Variants in ENPP2 observed in about 807,000 individuals in gnomAD.
ENPP2 encodes ectonucleotide pyrophosphatase/phosphodiesterase 2.
Under a neutral mutation model 120.2 loss-of-function variants are expected in ENPP2, and 51 were observed. The observed-to-expected ratio is 0.42, with a 90% CI of 0.34 to 0.54. The LOEUF (loss-of-function observed/expected upper bound fraction) is 0.54. ENPP2 is among the 20% of genes least tolerant of loss of function. The pLI, the probability that ENPP2 is intolerant of heterozygous loss-of-function variation, is 0.04. For synonymous variants in ENPP2, 365 were observed against 366.4 expected (o/e 1.00, Z 0.04); for missense variants, 920 against 1,066.5 (o/e 0.86, Z 1.91).
chr8:119,673,216 C>A (rs1818305264), intron 1 of ENPP2: 1 of 1,510,324 alleles, frequency 6.6e-7, no homozygotes, highest in African/African-American at 1.4e-5. Context: ...GGAGCCCAAG[C>A]AATGGAGGAC....
At chr8:119,574,623 G>T (rs1185753335) in intron 19 of ENPP2, among the ~76,000 whole-genome samples, 1 of 152,050 alleles carries the variant, frequency 6.6e-6, no homozygotes, top group Non-Finnish European at 1.5e-5. Flanking sequence ...GGGTCGTAGA[G>T]ACTGGAGTTT....
chr8:119,557,534 T>C lies in ENPP2; in HGVS notation c.2579A>G (p.Glu860Gly). The C allele has an allele frequency of 6.2e-7, 1 of 1,612,674 alleles. No homozygotes were observed. Among genetic ancestry groups the C allele is most frequent in the Non-Finnish European group, 8.5e-7 (1 of 1,179,738 alleles). The change falls in exon 25 of 25, where the codon GAG (glutamate) becomes GGG (glycine). Residue 860 changes from glutamate (E) to glycine (G), a missense_variant. By Grantham distance (98) the Glu-to-Gly change is moderately conservative. Coordinates refer to ENST00000075322, the MANE Select transcript of ENPP2 (RefSeq NM_001040092.3). ...LTLKTYLHTY[E>G]SEI ...ATGCTCAGAAAGTTAAATCTCGCTC[T>C]CATATGTATGCAGGTATGTCTTGAG...
At chr8:119,583,921 C>A (rs1450913162) in intron 16 of ENPP2, 41 bp downstream of exon 16, 1 of 1,511,816 alleles carries the variant, frequency 6.6e-7, no homozygotes, top group Non-Finnish European at 9.2e-7. Flanking sequence ...TTTCGAAGAA[C>A]CACTAAAACA....
Position 119,564,815 on chromosome 8 carries a change from A to T in ENPP2, c.2264+8T>A. ...AAATCACACACTGAGTAGAAATGAA[A>T]CGCTTACTGTTTTATTTTGTCTTCT... On this transcript the variant is annotated splice_region_variant and intron_variant, in intron 23 of 24. Transcript: ENST00000075322. 1 of 1,610,682 alleles carries T rather than the reference A, an allele frequency of 6.2e-7. No individual in the cohort carries two copies. The highest frequency in any genetic ancestry group is 8.5e-7 in the Non-Finnish European group (1 of 1,178,664).
At chr8:119,623,106 G>A (rs1193170950) in intron 3 of ENPP2, among the ~76,000 whole-genome samples, 2 of 152,080 alleles carry the variant, frequency 1.3e-5, no homozygotes, top group Non-Finnish European at 2.9e-5. Context: ...GATTTTTAAA[G>A]CAATCCTGCC....
Position 119,570,795 on chromosome 8 carries a change from T to A in ENPP2, c.1827A>T (p.Arg609Ser). The change falls in exon 20 of 25, where the codon AGA (arginine) becomes AGT (serine). Residue 609 changes from arginine to serine, a missense_variant. Physicochemically the swap from Arg to Ser is moderately radical, Grantham distance 110 (BLOSUM62 -1). Transcript: ENST00000075322. ...YGRPAVLYRT[R>S]YDILYHTDFE... Reference sequence around the variant, plus strand: ...AGTCAGTGTGATATAAGATATCATATCTAGTCCGATAAAGCACTGCAGGTC... The same window carrying A: ...AGTCAGTGTGATATAAGATATCATAACTAGTCCGATAAAGCACTGCAGGTC... The A allele has an allele frequency of 6.3e-7, 1 of 1,585,196 alleles. No homozygotes were observed.
At chr8:119,566,436 ACT>A (rs1186017201) in intron 22 of ENPP2, among the ~76,000 whole-genome samples, 1 of 152,106 alleles carries the variant, frequency 6.6e-6, no homozygotes, top group East Asian at 1.9e-4. Flanking sequence ...GCCTTCTGAA[ACT>A]CTGAATGGCA....
intron 14 of ENPP2, among the ~76,000 whole-genome samples, chr8:119,586,787 A>G (rs1248900054): frequency 6.6e-6 from 1 of 152,228 alleles, no homozygotes; most frequent in Middle Eastern, 3.2e-3. Context: ...TTTAACCATG[A>G]ATGAATACTT....
At chr8:119,580,815 T>A (rs1051823559) in intron 18 of ENPP2, 1 of 152,322 alleles carries the variant, frequency 6.6e-6, no homozygotes, top group African/African-American at 2.4e-5. Context: ...AGCTAAAACT[T>A]CATGTACTAA....
At chr8:119,597,726 T>C (rs1401336368) in intron 11 of ENPP2, among the ~76,000 whole-genome samples, 1 of 152,078 alleles carries the variant, frequency 6.6e-6, no homozygotes, top group Admixed American at 6.6e-5. Context: ...GCGCCAATAA[T>C]CAAAAGCAAG....
intron 1 of ENPP2, among the ~76,000 whole-genome samples, chr8:119,666,570 C>G (rs944474957): frequency 2.0e-5 from 3 of 152,260 alleles, no homozygotes; most frequent in African/African-American, 7.2e-5. Flanking sequence ...CACCCAAGGT[C>G]AGGAGTTCGA....
In ENPP2 at chr8:119,587,004, G is replaced by A. The variant is rs369480111; in HGVS notation, c.1239+40C>T. On this transcript the variant is annotated intron_variant, in intron 14 of 24. Coordinates refer to ENST00000075322, the MANE Select transcript of ENPP2 (RefSeq NM_001040092.3). Reference sequence around the variant, plus strand: ...GAGGGAGGCTGCTCCAGGGGCAGAGGCCTGGGCAGGGCAGAGGCGGGACAA... The same window carrying A: ...GAGGGAGGCTGCTCCAGGGGCAGAGACCTGGGCAGGGCAGAGGCGGGACAA... 21 of 1,595,644 alleles carry A rather than the reference G, an allele frequency of 1.3e-5. No homozygotes were observed. In the Admixed American group the frequency reaches 3.1e-4, roughly 23 times the overall value.
At chr8:119,588,790 C>CAGAGCATGTACATGTA (rs1264345839) in intron 13 of ENPP2, among the ~76,000 whole-genome samples, 4 of 152,034 alleles carry the variant, frequency 2.6e-5, no homozygotes, top group African/African-American at 2.4e-5. Flanking sequence ...CAGATAAGTC[C>CAGAGCATGTACATGTA]CAGAGAATTA....
chr8:119,643,701 G>A (rs1390166236), upstream of ENPP2, among the ~76,000 whole-genome samples: 1 of 152,158 alleles, frequency 6.6e-6, no homozygotes, highest in African/African-American at 2.4e-5. Flanking sequence ...CATAGCTCCT[G>A]CTCTCCACAT....
intron 18 of ENPP2, among the ~76,000 whole-genome samples, chr8:119,581,576 C>T (rs552695096): frequency 9.2e-5 from 14 of 152,182 alleles, no homozygotes; most frequent in East Asian, 5.8e-4. Context: ...CCTTCCTATT[C>T]GGTTGTCTCT....
At chr8:119,577,729 C>A (rs532264549) in intron 19 of ENPP2, among the ~76,000 whole-genome samples, 51 of 152,250 alleles carry the variant, frequency 3.3e-4, no homozygotes, top group Non-Finnish European at 7.1e-4. Flanking sequence ...CACTTTGAAG[C>A]CATGAATTAG....
intron 24 of ENPP2, among the ~76,000 whole-genome samples, chr8:119,560,444 C>T (rs771464490): frequency 1.3e-5 from 2 of 152,136 alleles, no homozygotes; most frequent in Non-Finnish European, 2.9e-5. Context: ...TTCTCTACCA[C>T]CCATTCCCAT....
chr8:119,602,951 C>A (rs1436098831), intron 9 of ENPP2, among the ~76,000 whole-genome samples: 1 of 152,160 alleles, frequency 6.6e-6, no homozygotes, highest in African/African-American at 2.4e-5. Flanking sequence ...TCCCCCATCA[C>A]CATCCAGCTC....
intron 14 of ENPP2, 34 bp downstream of exon 14, chr8:119,587,010 G>C (rs1813158826): frequency 6.2e-7 from 1 of 1,602,166 alleles, no homozygotes. Context: ...AGAGGCCTGG[G>C]CAGGGCAGAG....
Sources: allele counts gnomAD v4.1 joint callset (sites outside exome capture counted in the v4.1 genomes callset), GRCh38; gene constraint gnomAD v4.1.1; transcripts MANE v1.5; gene names NCBI Gene and HGNC (gene_info 2026-07-23, HGNC 2026-07-21).